The following USP24 variants were observed in gnomAD, a reference collection of about 807,000 sequenced individuals.
USP24 encodes ubiquitin specific peptidase 24, also known as ubiquitin carboxyl-terminal hydrolase 24.
Under a neutral mutation model 361.6 loss-of-function variants are expected in USP24, and 97 were observed. That is an observed-to-expected ratio of 0.27 (90% CI 0.23 to 0.32). The LOEUF is 0.32. USP24 is among the 10% of genes least tolerant of loss of function. The probability of loss-of-function intolerance (pLI) is 1.00; values close to 1 mark genes in which losing one functional copy is unlikely to be tolerated. For synonymous variants in USP24, 1,098 were observed against 1,124.6 expected, an observed-to-expected ratio of 0.98 and a Z score of 0.47; for missense variants, 2,353 against 3,165.6, an observed-to-expected ratio of 0.74 and a Z score of 6.16.
intron 44 of USP24, among the ~76,000 whole-genome samples, chr1:55,100,553 CA>C (rs1645608427): frequency 6.6e-6 from 1 of 151,156 alleles, no homozygotes; most frequent in Non-Finnish European, 1.5e-5. Context: ...GGCACAGGGT[CA>C]GGGGAATGAT....
chr1:55,107,127 T>C lies in USP24; in HGVS notation c.4762+112A>G, dbSNP rs1189024255. On this transcript the variant is annotated intron_variant, in intron 40 of 67. Coordinates refer to ENST00000294383, the MANE Select transcript of USP24 (RefSeq NM_015306.3). Reference sequence around the variant, plus strand: ...GGACAATTTCCTACTGTGTGAAGGGTCAATTTTCCATGGAACACTTGGCAT... The same window carrying C: ...GGACAATTTCCTACTGTGTGAAGGGCCAATTTTCCATGGAACACTTGGCAT... 3.8e-6 allele frequency: 5 copies of C among 1,310,062 alleles called. No homozygotes were observed. The African/African-American group carries it at 7.5e-5, about 20-fold the overall frequency. The allele number at this position is 1,310,062 out of a possible 1,614,324, so 81.2% of individuals were successfully genotyped here.
intron 39 of USP24, among the ~76,000 whole-genome samples, chr1:55,109,556 T>C (rs953488752): frequency 2.6e-5 from 4 of 152,204 alleles, no homozygotes; most frequent in Non-Finnish European, 5.9e-5. Context: ...TTTTTTTTCC[T>C]CCTGGTCTTG....
At chr1:55,111,027 T>A (rs895380592) in intron 38 of USP24, among the ~76,000 whole-genome samples, 1 of 152,080 alleles carries the variant, frequency 6.6e-6, no homozygotes, top group African/African-American at 2.4e-5. Context: ...GCCAAACTCA[T>A]TAGGCCAGTC....
At position 55,110,246 on chromosome 1, in the gene USP24, T is replaced by C; in HGVS notation, c.4509A>G (p.Arg1503=). The C allele has an allele frequency of 6.5e-7, 1 of 1,530,494 alleles. No individual in the cohort carries two copies. Among genetic ancestry groups the C allele is most frequent in the Non-Finnish European group, 8.8e-7 (1 of 1,137,602 alleles). 94.8% of individuals were successfully genotyped at this position (1,530,494 alleles called of 1,614,324 possible). ...AATACTCCATACACTGAGATAACAG[T>C]CTAAAAAACAGAAAGGTTTCAGTTA... ...PTSIMRGVNQ[R]LLSQCMEYFD... is the part of the protein sequence containing the mutation. The change falls in exon 39 of 68, where the codon AGA becomes AGG. Residue 1503 remains arginine (R), a splice_region_variant and synonymous_variant. Transcript: ENST00000294383.
chr1:55,126,954 C>T (rs913658949), intron 32 of USP24, among the ~76,000 whole-genome samples: 1 of 152,180 alleles, frequency 6.6e-6, no homozygotes, highest in African/African-American at 2.4e-5. Context: ...CATCATTTAC[C>T]CATTTTTCTT....
intron 1 of USP24, among the ~76,000 whole-genome samples, chr1:55,185,719 C>A (rs1644111606): frequency 8.0e-6 from 1 of 125,332 alleles, no homozygotes; most frequent in Non-Finnish European, 1.6e-5. Flanking sequence ...CACCACCATA[C>A]CTGGTTCATC....
Position 55,172,514 on chromosome 1 carries a change from T to C in USP24, c.565A>G (p.Thr189Ala). 2 of 1,610,110 alleles carry C rather than the reference T, an allele frequency of 1.2e-6. No individual in the cohort carries two copies. Among genetic ancestry groups the C allele is most frequent in the Non-Finnish European group, 1.7e-6 (2 of 1,178,426 alleles). ...CMPEAFKKLLTSSAVHKWGTE... is the reference protein window; with the variant it reads ...CMPEAFKKLLASSAVHKWGTE... ...CCCCACTTGTGAACAGCACTTGATG[T>C]CAGGAGCTATAAAAACATAAAGGGC... The change falls in exon 4 of 68, where the codon ACA (threonine) becomes GCA (alanine). Residue 189 changes from threonine to alanine, a missense_variant. Transcript: ENST00000294383.
rs1399354255 is a variant in USP24 at position 55,067,217 on chromosome 1, A to G, written c.*1828T>C. On this transcript the variant is annotated 3_prime_UTR_variant, in exon 68 of 68. Transcript: ENST00000294383. ...TGATATCCCAGTGTGGATCATCGCC[A>G]GCATTTCAAGGTCATGTCCCACACA... 2 of 152,010 alleles carry G rather than the reference A, an allele frequency of 1.3e-5. No individual in the cohort carries two copies. Among genetic ancestry groups the G allele is most frequent in the Non-Finnish European group, 2.9e-5 (2 of 67,988 alleles). The allele number at this position is 152,010 out of a possible 1,614,324, so 9.4% of individuals were successfully genotyped here. A position where few individuals can be genotyped will look rare whatever the true frequency, so the allele number is the denominator to read the frequency against.
At chr1:55,145,216 A>G (rs553096992) in intron 20 of USP24, among the ~76,000 whole-genome samples, 25 of 152,362 alleles carry the variant, frequency 1.6e-4, no homozygotes, top group Non-Finnish European at 2.6e-4. Flanking sequence ...GAATGTTTAC[A>G]GCAGTATTAA....
chr1:55,091,011 G>A (rs918906759), intron 54 of USP24, among the ~76,000 whole-genome samples: 2 of 152,238 alleles, frequency 1.3e-5, no homozygotes, highest in African/African-American at 4.8e-5. Flanking sequence ...TTGAACCCGG[G>A]ACACAGAGGT....
intron 1 of USP24, among the ~76,000 whole-genome samples, chr1:55,196,899 C>T (rs763902875): frequency 7.9e-5 from 12 of 152,184 alleles, no homozygotes; most frequent in Non-Finnish European, 1.5e-4. Flanking sequence ...TGCTGCTACC[C>T]GGTGTTTTTG....
intron 32 of USP24, among the ~76,000 whole-genome samples, chr1:55,128,304 T>C (rs1396195518): frequency 6.6e-6 from 1 of 152,132 alleles, no homozygotes; most frequent in Non-Finnish European, 1.5e-5. Context: ...CTTCCCTTCA[T>C]CCTCTTCACT....
chr1:55,157,424 T>TATAG lies in USP24; in HGVS notation c.1228-58_1228-55dup, dbSNP rs748030905. 3.1e-6 allele frequency: 3 copies of TATAG among 964,592 alleles called. No individual in the cohort carries two copies. In the African/African-American group the frequency reaches 5.1e-5, roughly 16 times the overall value. 59.8% of individuals were successfully genotyped at this position (964,592 alleles called of 1,614,324 possible). A position where few individuals can be genotyped will look rare whatever the true frequency, so the allele number is the denominator to read the frequency against. The stretch of plus-strand genomic sequence containing the variant: ...TCTAATATACATTATCAAATATTTA[T>TATAG]ATAGATAGATAGATAATTTTTACAA... On this transcript the variant is annotated intron_variant, in intron 10 of 67. Coordinates refer to ENST00000294383, the MANE Select transcript of USP24 (RefSeq NM_015306.3).
chr1:55,112,619 T>C (rs1645986725), intron 38 of USP24, among the ~76,000 whole-genome samples: 1 of 152,220 alleles, frequency 6.6e-6, no homozygotes, highest in East Asian at 1.9e-4. Flanking sequence ...TCTAATTTGA[T>C]TGCACTGCGG....
intron 38 of USP24, among the ~76,000 whole-genome samples, chr1:55,119,127 T>C (rs1263814914): frequency 1.3e-5 from 2 of 152,228 alleles, no homozygotes; most frequent in Admixed American, 6.5e-5. Context: ...ATACCCATGT[T>C]TGTAGCTGCA....
intron 6 of USP24, among the ~76,000 whole-genome samples, chr1:55,166,305 C>T (rs186914296): frequency 9.2e-5 from 14 of 151,834 alleles, no homozygotes; most frequent in African/African-American, 2.2e-4. Context: ...CGTTGTGCTC[C>T]GTAACATTGG....
chr1:55,069,329 G>A (rs1010737070), intron 67 of USP24, among the ~76,000 whole-genome samples: 1 of 152,220 alleles, frequency 6.6e-6, no homozygotes. Flanking sequence ...AAACAACCCA[G>A]CGACTTGTCT....
At chr1:55,153,652 CT>C (rs1647327298) in intron 16 of USP24, among the ~76,000 whole-genome samples, 1 of 152,072 alleles carries the variant, frequency 6.6e-6, no homozygotes, top group African/African-American at 2.4e-5. Context: ...AATAAAATTA[CT>C]CTTTGAATGT....
intron 26 of USP24, 117 bp downstream of exon 26, chr1:55,138,491 C>T (rs1646798946): frequency 4.5e-6 from 3 of 666,452 alleles, no homozygotes; most frequent in Non-Finnish European, 7.5e-6. Flanking sequence ...CTTTATTCTA[C>T]ATTTGTTTAC....
Sources: gnomAD v4.1 joint callset for allele counts (sites outside exome capture counted in the v4.1 genomes callset) on GRCh38, gnomAD v4.1.1 for gene constraint, MANE v1.5 for transcripts, NCBI Gene and HGNC (gene_info 2026-07-23, HGNC 2026-07-21) for gene names.